The following FREM2 variants were observed in gnomAD, a reference collection of about 807,000 sequenced individuals.
FREM2 encodes FRAS1-related extracellular matrix protein 2.
Under a neutral mutation model 219.9 loss-of-function variants are expected in FREM2, and 119 were observed. The ratio of observed to expected loss-of-function variants is 0.54; its 90% CI spans 0.47 to 0.63. The LOEUF is 0.63. Among genes scored for constraint, FREM2 ranks in the 30% least tolerant of loss-of-function variants. FREM2 has a pLI of 0.00. For synonymous variants in FREM2, 1,562 were observed against 1,522.8 expected, an observed-to-expected ratio of 1.03 and a Z score of -0.60; for missense variants, 4,030 against 3,993.6, an observed-to-expected ratio of 1.01 and a Z score of -0.25.
At chr13:38,700,406 C>T (rs1870296275) in intron 2 of FREM2, among the ~76,000 whole-genome samples, 1 of 152,064 alleles carries the variant, frequency 6.6e-6, no homozygotes, top group African/African-American at 2.4e-5. Context: ...ATCTGAGCAA[C>T]AGATAACATC....
rs1303581185 is a variant in FREM2, at chr13:38,885,947, A to G, written c.*5160A>G. 1 of 152,200 alleles carries G rather than the reference A, an allele frequency of 6.6e-6. No homozygotes were observed. The highest frequency in any genetic ancestry group is 1.5e-5 in the Non-Finnish European group (1 of 68,036). The allele number at this position is 152,200 out of a possible 1,614,324, so 9.4% of individuals were successfully genotyped here. A position where few individuals can be genotyped will look rare whatever the true frequency, so the allele number is the denominator to read the frequency against. On this transcript the variant is annotated 3_prime_UTR_variant, in exon 24 of 24. Coordinates refer to ENST00000280481, the MANE Select transcript of FREM2 (RefSeq NM_207361.6). ...AGTGTTAAAATGTTAACAGCGTTGA[A>G]GTTTTTAAAATTATAATTATCAAAT...
At chr13:38,877,024 A>G in intron 20 of FREM2, 93 bp from the exon 21 acceptor site, 2 of 1,370,526 alleles carry the variant, frequency 1.5e-6, no homozygotes, top group Non-Finnish European at 2.1e-6. Flanking sequence ...TTAGTGTTCT[A>G]CAGTGTACGG....
At chr13:38,853,916 C>T (rs1184856573) in intron 11 of FREM2, among the ~76,000 whole-genome samples, 1 of 151,660 alleles carries the variant, frequency 6.6e-6, no homozygotes, top group Non-Finnish European at 1.5e-5. Flanking sequence ...TTTTGCTAAA[C>T]GGAAACAAAA....
At chr13:38,851,264 G>A (rs1566166531) in intron 10 of FREM2, among the ~76,000 whole-genome samples, 156 bp downstream of exon 10, 1 of 152,094 alleles carries the variant, frequency 6.6e-6, no homozygotes, top group South Asian at 2.1e-4. Flanking sequence ...AAACAAATGG[G>A]GAACAAAATA....
intron 2 of FREM2, among the ~76,000 whole-genome samples, chr13:38,734,228 A>G (rs575186644): frequency 4.6e-5 from 7 of 152,226 alleles, no homozygotes; most frequent in Admixed American, 3.9e-4. Context: ...TAACAAAATA[A>G]CATGTGTTAC....
chr13:38,750,487 A>G (rs989021959), intron 2 of FREM2, among the ~76,000 whole-genome samples: 3 of 152,144 alleles, frequency 2.0e-5, no homozygotes, highest in African/African-American at 7.2e-5. Context: ...ATGATACTCT[A>G]CTATGTATAT....
At chr13:38,839,689 C>T (rs762811229) in intron 6 of FREM2, among the ~76,000 whole-genome samples, 7 of 152,160 alleles carry the variant, frequency 4.6e-5, no homozygotes, top group Non-Finnish European at 8.8e-5. Context: ...GTCTGGCTAC[C>T]GTGGCTTTGC....
At chr13:38,783,937 A>T (rs1237153211) in intron 5 of FREM2, among the ~76,000 whole-genome samples, 3 of 152,234 alleles carry the variant, frequency 2.0e-5, no homozygotes, top group Non-Finnish European at 4.4e-5. Context: ...TCTACTAAAA[A>T]TACAAAAATT....
At chr13:38,760,746 G>A (rs1389221559) in intron 2 of FREM2, among the ~76,000 whole-genome samples, 2 of 152,110 alleles carry the variant, frequency 1.3e-5, no homozygotes, top group African/African-American at 4.8e-5. Flanking sequence ...TCTAATTGAT[G>A]CAATAGATGT....
At chr13:38,856,546 C>A (rs999400060) in intron 12 of FREM2, among the ~76,000 whole-genome samples, 2 of 152,060 alleles carry the variant, frequency 1.3e-5, no homozygotes, top group Non-Finnish European at 2.9e-5. Flanking sequence ...AGTAATGATT[C>A]ATTGACCTTG....
intron 6 of FREM2, among the ~76,000 whole-genome samples, chr13:38,820,856 T>C (rs1334955832): frequency 6.6e-6 from 1 of 152,150 alleles, no homozygotes; most frequent in Non-Finnish European, 1.5e-5. Flanking sequence ...CTATGATTAT[T>C]TTAAGTCTAG....
intron 2 of FREM2, among the ~76,000 whole-genome samples, chr13:38,698,870 G>A (rs2138080677): frequency 6.6e-6 from 1 of 152,270 alleles, no homozygotes; most frequent in South Asian, 2.1e-4. Context: ...CAAACAAAAT[G>A]TGTTATGTTG....
intron 2 of FREM2, among the ~76,000 whole-genome samples, chr13:38,704,428 GTA>G (rs1870459898): frequency 6.6e-6 from 1 of 152,208 alleles, no homozygotes; most frequent in Non-Finnish European, 1.5e-5. Flanking sequence ...TGGTATTTAA[GTA>G]TAGACTTAGG....
chr13:38,879,913 T>C (rs1445046883), intron 23 of FREM2, among the ~76,000 whole-genome samples: 1 of 152,206 alleles, frequency 6.6e-6, no homozygotes, highest in Non-Finnish European at 1.5e-5. Flanking sequence ...AGATTTGAGC[T>C]GTAGTCCTGC....
intron 6 of FREM2, among the ~76,000 whole-genome samples, chr13:38,832,209 A>C (rs1317964402): frequency 6.6e-6 from 1 of 152,040 alleles, no homozygotes; most frequent in Non-Finnish European, 1.5e-5. Flanking sequence ...GGTTGCTGTG[A>C]GCCAAGATCT....
At chr13:38,826,905 A>G (rs772574067) in intron 6 of FREM2, among the ~76,000 whole-genome samples, 8 of 152,092 alleles carry the variant, frequency 5.3e-5, no homozygotes, top group Non-Finnish European at 8.8e-5. Context: ...TCTTCCTAGA[A>G]TCTTTTAATT....
intron 6 of FREM2, among the ~76,000 whole-genome samples, chr13:38,840,641 TA>T (rs1876917423): frequency 2.0e-5 from 3 of 146,686 alleles, no homozygotes; most frequent in Non-Finnish European, 4.4e-5. Flanking sequence ...TATATATATA[TA>T]TATGTGTATG....
At position 38,735,629 on chromosome 13, in the gene FREM2, G is replaced by T. The variant is rs985164983; in HGVS notation, c.5264-28675G>T. On this transcript the variant is annotated intron_variant, in intron 2 of 23. Transcript: ENST00000280481. ...ATACTCAGGAACTACTTAAAAAAACGTAAATGGTTTTTGCTGAAAAGCTTA... is the reference window on the plus strand; with the variant it reads ...ATACTCAGGAACTACTTAAAAAAACTTAAATGGTTTTTGCTGAAAAGCTTA... 6.6e-5 allele frequency among the ~76,000 whole-genome samples: 10 copies of T among 152,118 alleles called. 1 individual carries two copies. The highest frequency in any genetic ancestry group is 1.0e-4 in the Non-Finnish European group (7 of 68,022).
intron 13 of FREM2, 125 bp from the exon 14 acceptor site, chr13:38,859,162 G>T (rs1372766768): frequency 4.6e-6 from 4 of 866,440 alleles, no homozygotes; most frequent in Non-Finnish European, 7.7e-6. Context: ...AAATTCGGAA[G>T]CTGTATAAAC....
Sources: gnomAD v4.1 joint callset for allele counts (sites outside exome capture counted in the v4.1 genomes callset) on GRCh38, gnomAD v4.1.1 for gene constraint, MANE v1.5 for transcripts, NCBI Gene and HGNC (gene_info 2026-07-23, HGNC 2026-07-21) for gene names.